PGM2: variants seen among roughly 807,000 people sequenced by gnomAD.
PGM2 encodes the protein phosphoglucomutase 2.
Under a neutral mutation model 74.6 loss-of-function variants are expected in PGM2, and 57 were observed. The ratio of observed to expected loss-of-function variants is 0.76; its 90% CI spans 0.62 to 0.95. PGM2 has a LOEUF of 0.95. Ranked by LOEUF, PGM2 falls within the 40% of genes least tolerant of loss-of-function variation. PGM2 has a pLI of 0.00. For synonymous variants in PGM2, 273 were observed against 260.7 expected (o/e 1.05, Z -0.46); for missense variants, 706 against 741.9 (o/e 0.95, Z 0.56).
At position 37,834,707 on chromosome 4, in the gene PGM2, TG is replaced by T. The variant is rs757233436; in HGVS notation, c.344del (p.Gly115ValfsTer27). On this transcript the variant is annotated frameshift_variant, in exon 3 of 14. Coordinates refer to ENST00000381967, the MANE Select transcript of PGM2 (RefSeq NM_018290.4). LOFTEE classifies it high-confidence loss of function. ...TTGACGCCCGAGCTCATCCATCCAG[TG>T]GGGGTAGCAGCAGAAGGTATTTAAA... is the stretch of plus-strand genomic sequence containing the variant. ...SFDARAHPSS[G>X]GSSRRFARLA... 5 of 1,506,700 alleles carry T rather than the reference TG, an allele frequency of 3.3e-6. No individual in the cohort carries two copies. The highest frequency in any genetic ancestry group is 2.3e-5 in the South Asian group (2 of 87,496). The allele number at this position is 1,506,700 out of a possible 1,614,324, so 93.3% of individuals were successfully genotyped here.
chr4:37,851,216 A>G (rs990889903), intron 12 of PGM2, among the ~76,000 whole-genome samples: 1 of 152,190 alleles, frequency 6.6e-6, no homozygotes, highest in African/African-American at 2.4e-5. Flanking sequence ...CTGGGGAAAC[A>G]GAGTGCTGGA....
At chr4:37,858,085 CTA>C (rs1415384776) in intron 13 of PGM2, among the ~76,000 whole-genome samples, 1 of 152,026 alleles carries the variant, frequency 6.6e-6, no homozygotes, top group Middle Eastern at 3.2e-3. Flanking sequence ...AATGATAACA[CTA>C]TTTAAATGTT....
intron 2 of PGM2, among the ~76,000 whole-genome samples, chr4:37,832,515 C>A (rs1725465479): frequency 6.6e-6 from 1 of 152,138 alleles, no homozygotes; most frequent in Non-Finnish European, 1.5e-5. Context: ...GTATGTGATT[C>A]AAAAATATGT....
Position 37,830,042 on chromosome 4 carries a change from C to T in PGM2, c.160C>T (p.Arg54Ter), listed in dbSNP as rs764111980. The change falls in exon 2 of 14, where the codon CGA (arginine) becomes TGA (stop). Residue 54 changes from arginine (R) to a stop codon, truncating the protein, a stop_gained. Transcript: ENST00000381967. LOFTEE classifies it high-confidence loss of function. ...KEELRKCFGA[R>*]MEFGTAGLRA... ...AGAACTACGAAAATGTTTTGGGGCC[C>T]GAATGGAGTTTGGGACAGCTGGCCT... is the stretch of plus-strand genomic sequence containing the variant. 1.2e-6 allele frequency: 2 copies of T among 1,606,738 alleles called. No homozygotes were observed. The highest frequency in any genetic ancestry group is 1.7e-6 in the Non-Finnish European group (2 of 1,176,520).
At chr4:37,839,400 A>G (rs937167469) in intron 4 of PGM2, 11 of 368,174 alleles carry the variant, frequency 3.0e-5, no homozygotes, top group Admixed American at 1.8e-4. Context: ...CAGGCGTGAG[A>G]CACCACCCCT....
At chr4:37,849,786 A>T (rs1334026210) in intron 11 of PGM2, among the ~76,000 whole-genome samples, 1 of 151,218 alleles carries the variant, frequency 6.6e-6, no homozygotes, top group African/African-American at 2.4e-5. Flanking sequence ...TTTATTATTT[A>T]TTTTATTTTA....
At chr4:37,828,676 A>AGAT (rs1725360191) in intron 1 of PGM2, among the ~76,000 whole-genome samples, 1 of 152,160 alleles carries the variant, frequency 6.6e-6, no homozygotes, top group Non-Finnish European at 1.5e-5. Context: ...AGTCTTTCAT[A>AGAT]GATATCAAAG....
At chr4:37,850,627 C>T in intron 12 of PGM2, among the ~76,000 whole-genome samples, 1 of 152,000 alleles carries the variant, frequency 6.6e-6, no homozygotes, top group East Asian at 1.9e-4. Flanking sequence ...ACGGCAAAAC[C>T]CGGTCTCTAT....
chr4:37,861,012 A>G (rs1247300035), intron 13 of PGM2, among the ~76,000 whole-genome samples: 5 of 152,106 alleles, frequency 3.3e-5, no homozygotes, highest in Non-Finnish European at 7.4e-5. Context: ...ATTGCTGTTC[A>G]TTCTAGGAAG....
intron 4 of PGM2, among the ~76,000 whole-genome samples, chr4:37,838,244 T>C (rs1165895802): frequency 6.6e-6 from 1 of 152,246 alleles, no homozygotes; most frequent in African/African-American, 2.4e-5. Flanking sequence ...AGGAAACTTC[T>C]TGTGTCGAAA....
At chr4:37,831,020 C>T (rs965919427) in intron 2 of PGM2, among the ~76,000 whole-genome samples, 5 of 151,690 alleles carry the variant, frequency 3.3e-5, no homozygotes, top group Non-Finnish European at 1.5e-5. Flanking sequence ...ATGGTGAAAC[C>T]CTGTCTCTAC....
chr4:37,851,356 G>A (rs967124449), intron 12 of PGM2, among the ~76,000 whole-genome samples: 4 of 152,250 alleles, frequency 2.6e-5, no homozygotes, highest in Admixed American at 2.6e-4. Context: ...TTTCTAGTTA[G>A]TGTACTCTGT....
intron 6 of PGM2, among the ~76,000 whole-genome samples, chr4:37,840,960 G>GTATATATATATA (rs67564871): frequency 2.2e-5 from 3 of 139,234 alleles, no homozygotes; most frequent in Non-Finnish European, 3.1e-5. Flanking sequence ...GTGTGTGTGT[G>GTATATATATATA]TGTGTATATA....
At chr4:37,832,955 A>G (rs1017895157) in intron 2 of PGM2, among the ~76,000 whole-genome samples, 2 of 152,144 alleles carry the variant, frequency 1.3e-5, no homozygotes, top group African/African-American at 4.8e-5. Context: ...CCTCATCCTC[A>G]GCAGGCCTCC....
At chr4:37,856,372 G>C (rs916648279) in intron 13 of PGM2, among the ~76,000 whole-genome samples, 2 of 152,092 alleles carry the variant, frequency 1.3e-5, no homozygotes, top group Non-Finnish European at 2.9e-5. Context: ...GCGACAGAGC[G>C]AGACTCCATC....
At chr4:37,833,488 G>C (rs1359206946) in intron 2 of PGM2, among the ~76,000 whole-genome samples, 1 of 152,200 alleles carries the variant, frequency 6.6e-6, no homozygotes, top group Non-Finnish European at 1.5e-5. Context: ...TTGAGCCTGA[G>C]AGATTGAGGC....
At chr4:37,842,556 TTC>T (rs140128384) in intron 6 of PGM2, among the ~76,000 whole-genome samples, 26,455 of 105,726 alleles carry the variant, frequency 0.25, 2,483 homozygotes, top group Middle Eastern at 0.29. Context: ...TTTCTTTTTT[TTC>T]TTTTTTGACT....
intron 2 of PGM2, 110 bp from the exon 3 acceptor site, chr4:37,834,508 C>T: frequency 1.7e-6 from 1 of 587,108 alleles, no homozygotes; most frequent in Admixed American, 3.1e-5. Flanking sequence ...TCCCTCTCTC[C>T]CATAGTGTTC....
Position 37,855,592 on chromosome 4 carries a change from G to A in PGM2, c.1603-16G>A, listed in dbSNP as rs1448384462. Reference sequence around the variant, plus strand: ...ATGTTACTATTTAAATTTATAATGTGTGCATTAATTCCTAGGTTCTTCCCA... The same window carrying A: ...ATGTTACTATTTAAATTTATAATGTATGCATTAATTCCTAGGTTCTTCCCA... On this transcript the variant is annotated splice_polypyrimidine_tract_variant and intron_variant, in intron 12 of 13. Transcript: ENST00000381967. The A allele has an allele frequency of 1.2e-6, 2 of 1,608,896 alleles. No individual in the cohort carries two copies. The highest frequency in any genetic ancestry group is 2.2e-5 in the East Asian group (1 of 44,804).
Sources: allele counts gnomAD v4.1 joint callset (sites outside exome capture counted in the v4.1 genomes callset), GRCh38; gene constraint gnomAD v4.1.1; transcripts MANE v1.5; gene names NCBI Gene and HGNC (gene_info 2026-07-23, HGNC 2026-07-21).